The following CPED1 variants were observed in gnomAD, a reference collection of about 807,000 sequenced individuals.
CPED1 encodes cadherin-like and PC-esterase domain-containing protein 1.
Under a neutral mutation model 128.2 loss-of-function variants are expected in CPED1, and 114 were observed. The ratio of observed to expected loss-of-function variants is 0.89; its 90% confidence interval spans 0.76 to 1.04. The LOEUF is 1.04. Ranked by LOEUF, CPED1 falls within the 50% of genes least tolerant of loss-of-function variation. The pLI is 0.00. For synonymous variants in CPED1, 462 were observed against 426.7 expected (o/e 1.08, Z -1.02); for missense variants, 1,211 against 1,207.1 (o/e 1.00, Z -0.05).
intron 3 of CPED1, among the ~76,000 whole-genome samples, chr7:121,029,143 TG>T (rs1465221903): frequency 6.6e-6 from 1 of 152,158 alleles, no homozygotes; most frequent in East Asian, 1.9e-4. Flanking sequence ...GTTTTGCTGT[TG>T]TAAATAATGC....
intron 16 of CPED1, among the ~76,000 whole-genome samples, chr7:121,166,742 T>G (rs2093771429): frequency 6.6e-6 from 1 of 152,136 alleles, no homozygotes; most frequent in African/African-American, 2.4e-5. Flanking sequence ...TCATGTAGCA[T>G]TAAAAAATAT....
chr7:121,069,841 G>A (rs1793944154), intron 5 of CPED1, among the ~76,000 whole-genome samples: 1 of 152,112 alleles, frequency 6.6e-6, no homozygotes, highest in Admixed American at 6.6e-5. Context: ...CTTGGGCTGT[G>A]AGTTGTTGTT....
At chr7:121,031,127 A>G (rs1473237691) in intron 3 of CPED1, among the ~76,000 whole-genome samples, 1 of 152,218 alleles carries the variant, frequency 6.6e-6, no homozygotes, top group Non-Finnish European at 1.5e-5. Context: ...ATATTATTGT[A>G]TGCATACACC....
intron 3 of CPED1, among the ~76,000 whole-genome samples, chr7:121,033,920 T>G (rs982091376): frequency 4.6e-5 from 7 of 152,214 alleles, no homozygotes; most frequent in African/African-American, 1.2e-4. Context: ...CCTCTTAGAC[T>G]TCTCACAATC....
At chr7:121,098,806 ATATAAATAATAT>A (rs1794767642) in intron 6 of CPED1, among the ~76,000 whole-genome samples, 5 of 142,264 alleles carry the variant, frequency 3.5e-5, no homozygotes, top group African/African-American at 1.3e-4. Flanking sequence ...ATATATAAAT[ATATAAATAATAT>A]ATATATAAAT....
chr7:121,288,651 A>G (rs1174320688), intron 22 of CPED1, among the ~76,000 whole-genome samples: 2 of 152,188 alleles, frequency 1.3e-5, no homozygotes, highest in East Asian at 3.9e-4. Context: ...GCATTATCCA[A>G]TGGTTGTAAT....
intron 3 of CPED1, among the ~76,000 whole-genome samples, chr7:121,035,409 T>C (rs1421606667): frequency 5.9e-5 from 9 of 152,188 alleles, no homozygotes; most frequent in Non-Finnish European, 1.3e-4. Flanking sequence ...CCAGGAAATA[T>C]TTTAAAAATT....
intron 16 of CPED1, among the ~76,000 whole-genome samples, chr7:121,179,016 C>T (rs1796843331): frequency 6.6e-6 from 1 of 151,978 alleles, no homozygotes; most frequent in Non-Finnish European, 1.5e-5. Context: ...GCACATACAG[C>T]AGAAAAACAA....
intron 3 of CPED1, among the ~76,000 whole-genome samples, chr7:121,027,244 A>T (rs1029863322): frequency 2.0e-5 from 3 of 151,944 alleles, no homozygotes; most frequent in African/African-American, 7.3e-5. Flanking sequence ...CACATTATTC[A>T]TATATCTCTG....
In CPED1 at chr7:121,046,930, G is replaced by A; in HGVS notation, c.477G>A (p.Lys159=). The stretch of plus-strand genomic sequence containing the variant: ...ATCTGCTCATTTGCCTGTCTTCTAA[G>A]AAAGCAGAAGGAACACCCTGTATAT... ...SWDLLICLSS[K]KAEGTPCISK... is the part of the protein sequence containing the mutation. The change falls in exon 4 of 23, where the codon AAG becomes AAA. Residue 159 remains lysine, a synonymous_variant. Coordinates refer to ENST00000310396, the MANE Select transcript of CPED1 (RefSeq NM_024913.5). 6.2e-7 allele frequency: 1 copy of A among 1,612,794 alleles called. No homozygotes were observed. The highest frequency in any genetic ancestry group is 8.5e-7 in the Non-Finnish European group (1 of 1,179,194).
intron 5 of CPED1, among the ~76,000 whole-genome samples, chr7:121,083,377 T>A (rs1794340832): frequency 6.6e-6 from 1 of 152,172 alleles, no homozygotes; most frequent in African/African-American, 2.4e-5. Context: ...GAATTAGTTG[T>A]CCTAGCTTTT....
At chr7:121,167,007 A>G (rs1233016760) in intron 16 of CPED1, among the ~76,000 whole-genome samples, 18 of 152,162 alleles carry the variant, frequency 1.2e-4, no homozygotes. Context: ...AAGAAAGTTA[A>G]TGCAGCTGCC....
chr7:121,231,674 T>TA (rs1798144003), intron 16 of CPED1, among the ~76,000 whole-genome samples: 1 of 151,536 alleles, frequency 6.6e-6, no homozygotes, highest in African/African-American at 2.4e-5. Context: ...ATAAGTAAAA[T>TA]AAAAAAAGGA....
At chr7:121,201,941 A>C (rs891767761) in intron 16 of CPED1, among the ~76,000 whole-genome samples, 1 of 152,176 alleles carries the variant, frequency 6.6e-6, no homozygotes, top group African/African-American at 2.4e-5. Context: ...AATATGGAAC[A>C]AAATTGAGTA....
chr7:121,015,551 C>A, intron 2 of CPED1, 114 bp from the exon 3 acceptor site: 1 of 952,132 alleles, frequency 1.1e-6, no homozygotes, highest in Non-Finnish European at 1.5e-6. Context: ...CCTTTCACTT[C>A]TAGAGAAAAA....
At chr7:121,087,804 C>T (rs2110283) in intron 5 of CPED1, among the ~76,000 whole-genome samples, 48,606 of 151,438 alleles carry the variant, frequency 0.32, 8,101 homozygotes, top group Middle Eastern at 0.4. Context: ...GGATTACAGA[C>T]GCCCACCACC....
intron 12 of CPED1, among the ~76,000 whole-genome samples, chr7:121,130,922 A>C (rs1795651053): frequency 6.6e-6 from 1 of 152,068 alleles, no homozygotes; most frequent in Non-Finnish European, 1.5e-5. Flanking sequence ...GAGATGGATA[A>C]AATTTTATCT....
At chr7:121,080,803 T>G (rs1225706043) in intron 5 of CPED1, among the ~76,000 whole-genome samples, 1 of 152,098 alleles carries the variant, frequency 6.6e-6, no homozygotes, top group African/African-American at 2.4e-5. Context: ...TGTTTTGAAC[T>G]TCAAGATGAT....
In CPED1 at chr7:121,128,389, A is replaced by C. The variant is rs1376326632; in HGVS notation, c.1310A>C (p.Asn437Thr). The change falls in exon 11 of 23, where the codon AAC becomes ACC. Residue 437 changes from asparagine to threonine, a missense_variant. Asn to Thr is a moderately conservative substitution (Grantham distance 65, BLOSUM62 0). Coordinates refer to ENST00000310396, the MANE Select transcript of CPED1 (RefSeq NM_024913.5). ...TTCCCCCTACCAATACAGGGTGAAAACTATCAAAAGGAACTAAATCAGTGT... is the reference window on the plus strand; with the variant it reads ...TTCCCCCTACCAATACAGGGTGAAACCTATCAAAAGGAACTAAATCAGTGT... ...LYRSDVFKGE[N>T]YQKELNQCLS... is the part of the protein sequence containing the mutation. 2 of 1,572,332 alleles carry C rather than the reference A, an allele frequency of 1.3e-6. No homozygotes were observed. The highest frequency in any genetic ancestry group is 1.8e-6 in the Non-Finnish European group (2 of 1,142,514).
Sources: gnomAD v4.1 joint callset for allele counts (sites outside exome capture counted in the v4.1 genomes callset) on GRCh38, gnomAD v4.1.1 for gene constraint, MANE v1.5 for transcripts, NCBI Gene and HGNC (gene_info 2026-07-23, HGNC 2026-07-21) for gene names.